The following SLC4A4 variants were observed in gnomAD, a reference collection of about 807,000 sequenced individuals.
SLC4A4 encodes electrogenic sodium bicarbonate cotransporter 1.
A neutral mutation model predicts 111.5 loss-of-function variants in SLC4A4; 27 were observed. The observed-to-expected ratio is 0.24, with a 90% CI of 0.18 to 0.33. The LOEUF (loss-of-function observed/expected upper bound fraction) is 0.33, where lower values mean the gene tolerates loss of function less well. Among genes scored for constraint, SLC4A4 ranks in the 10% least tolerant of loss-of-function variants. The probability of loss-of-function intolerance (pLI) is 1.00; values close to 1 mark genes in which losing one functional copy is unlikely to be tolerated. For synonymous variants in SLC4A4, 443 were observed against 463.4 expected (o/e 0.96, Z 0.57); for missense variants, 909 against 1,315.5 (o/e 0.69, Z 4.78).
At chr4:71,402,627 C>T (rs1403893439) in intron 7 of SLC4A4, among the ~76,000 whole-genome samples, 1 of 152,186 alleles carries the variant, frequency 6.6e-6, no homozygotes, top group South Asian at 2.1e-4. Context: ...CAGATGGAAT[C>T]ACATCTGTGA....
chr4:71,203,767 G>A (rs1440247629), intron 1 of SLC4A4, among the ~76,000 whole-genome samples: 1 of 152,186 alleles, frequency 6.6e-6, no homozygotes, highest in Non-Finnish European at 1.5e-5. Context: ...GGTTAATCAA[G>A]TCTTGGGATT....
chr4:71,319,603 T>G (rs577019984), intron 3 of SLC4A4, among the ~76,000 whole-genome samples: 2 of 152,158 alleles, frequency 1.3e-5, no homozygotes, highest in Admixed American at 6.5e-5. Context: ...TTGGTATTAC[T>G]TCTCAAAGAA....
chr4:71,449,267 AGT>A, intron 9 of SLC4A4, among the ~76,000 whole-genome samples: 1 of 152,194 alleles, frequency 6.6e-6, no homozygotes, highest in Non-Finnish European at 1.5e-5. Flanking sequence ...TAGGAAGAAC[AGT>A]GTGGTAATGC....
intron 2 of SLC4A4, among the ~76,000 whole-genome samples, chr4:71,099,986 A>G (rs1742675288): frequency 6.6e-6 from 1 of 152,188 alleles, no homozygotes; most frequent in Non-Finnish European, 1.5e-5. Flanking sequence ...AAAGTAGCCC[A>G]GGACCAGAGA....
chr4:71,187,684 C>T (rs1216390542), intron 1 of SLC4A4, among the ~76,000 whole-genome samples: 3 of 152,218 alleles, frequency 2.0e-5, no homozygotes, highest in African/African-American at 4.8e-5. Context: ...CCCCTGCGCG[C>T]AACTGGGCGT....
At chr4:71,464,482 T>C (rs1213125440) in intron 12 of SLC4A4, among the ~76,000 whole-genome samples, 1 of 152,180 alleles carries the variant, frequency 6.6e-6, no homozygotes, top group African/African-American at 2.4e-5. Context: ...GGAATGGCTA[T>C]AAATAATGAG....
intron 2 of SLC4A4, among the ~76,000 whole-genome samples, chr4:71,156,582 G>GCACACACACA (rs562437625): frequency 8.9e-6 from 1 of 111,918 alleles, no homozygotes; most frequent in Non-Finnish European, 1.7e-5. Flanking sequence ...ATGCGCGCGC[G>GCACACACACA]CGCGCGCACA....
intron 2 of SLC4A4, among the ~76,000 whole-genome samples, chr4:71,106,218 A>G (rs1578485028): frequency 6.7e-6 from 1 of 150,088 alleles, no homozygotes; most frequent in Non-Finnish European, 1.5e-5. Context: ...CTAAACCACA[A>G]TGAGCTACCA....
intron 2 of SLC4A4, among the ~76,000 whole-genome samples, chr4:71,158,368 T>C (rs1224259463): frequency 3.9e-5 from 6 of 152,250 alleles, no homozygotes; most frequent in Admixed American, 2.6e-4. Context: ...AGCAGTTCAT[T>C]TTATCAGCTA....
At chr4:71,480,785 C>T (rs529975258) in intron 14 of SLC4A4, among the ~76,000 whole-genome samples, 55 of 151,760 alleles carry the variant, frequency 3.6e-4, no homozygotes, top group Non-Finnish European at 6.9e-4. Flanking sequence ...ATAGCTGTAA[C>T]CCTAAGAAGC....
At chr4:71,126,180 T>C (rs111582313) in intron 2 of SLC4A4, among the ~76,000 whole-genome samples, 2 of 152,342 alleles carry the variant, frequency 1.3e-5, no homozygotes, top group African/African-American at 4.8e-5. Flanking sequence ...TGTTTCTTTA[T>C]ATATGAGCTG....
intron 7 of SLC4A4, among the ~76,000 whole-genome samples, chr4:71,416,957 A>G (rs1408709447): frequency 6.6e-6 from 1 of 152,212 alleles, no homozygotes; most frequent in African/African-American, 2.4e-5. Flanking sequence ...ACCTGTGGTC[A>G]TAAGTTTTGG....
intron 1 of SLC4A4, among the ~76,000 whole-genome samples, chr4:71,080,125 G>A (rs139460902): frequency 6.6e-6 from 1 of 152,090 alleles, no homozygotes; most frequent in Non-Finnish European, 1.5e-5. Flanking sequence ...CTGTTGCCAG[G>A]AATCGAAGGC....
intron 1 of SLC4A4, among the ~76,000 whole-genome samples, chr4:71,212,164 A>T (rs1257299638): frequency 6.6e-6 from 1 of 152,180 alleles, no homozygotes; most frequent in African/African-American, 2.4e-5. Context: ...AGAATAATTT[A>T]GGTCTAATTT....
At chr4:71,494,554 C>T (rs974478069) in intron 15 of SLC4A4, among the ~76,000 whole-genome samples, 1 of 151,962 alleles carries the variant, frequency 6.6e-6, no homozygotes, top group African/African-American at 2.4e-5. Context: ...GTTTCAAGTG[C>T]TCCTCCTGCC....
At chr4:71,314,299 A>G (rs1335014233) in intron 3 of SLC4A4, among the ~76,000 whole-genome samples, 9 of 152,212 alleles carry the variant, frequency 5.9e-5, no homozygotes, top group Admixed American at 5.9e-4. Context: ...GTGGAGAATT[A>G]GGAATGCTTT....
At chr4:71,227,155 G>A (rs1017193459) in intron 1 of SLC4A4, among the ~76,000 whole-genome samples, 1 of 152,148 alleles carries the variant, frequency 6.6e-6, no homozygotes, top group Non-Finnish European at 1.5e-5. Flanking sequence ...TGATAATGTA[G>A]AGAGGCTTCT....
rs1414508834 is a variant in SLC4A4 at position 71,227,635 on chromosome 4, T to C, written c.-1-8941T>C. On this transcript the variant is annotated intron_variant, in intron 1 of 25. Transcript: ENST00000264485. ...CTTTGCTCTTCTTTCCTTATTCTGC[T>C]GCTGGTTTGGGTCTGGCTCTTGGTT... 3.3e-5 allele frequency among the ~76,000 whole-genome samples: 5 copies of C among 152,280 alleles called. No homozygotes were observed. The East Asian group carries it at 9.7e-4, about 29-fold the overall frequency.
chr4:71,542,851 C>A (rs915751952), intron 18 of SLC4A4, among the ~76,000 whole-genome samples: 2 of 152,082 alleles, frequency 1.3e-5, no homozygotes, highest in African/African-American at 4.8e-5. Flanking sequence ...TATAACTTTA[C>A]CTCCAGGGTC....
Sources: gnomAD v4.1 joint callset for allele counts (sites outside exome capture counted in the v4.1 genomes callset) on GRCh38, gnomAD v4.1.1 for gene constraint, MANE v1.5 for transcripts, NCBI Gene and HGNC (gene_info 2026-07-23, HGNC 2026-07-21) for gene names.